TSC22D1: variants seen among roughly 807,000 people sequenced by gnomAD.
TSC22D1 encodes TSC22 domain family member 1.
In TSC22D1, 9 loss-of-function variants were observed where a neutral mutation model predicts 74.2. That is an observed-to-expected ratio of 0.12 (90% CI 0.07 to 0.21). The LOEUF is 0.21. TSC22D1 is among the 10% of genes least tolerant of loss of function. TSC22D1 has a pLI of 1.00. For synonymous variants in TSC22D1, 586 were observed against 492.5 expected (o/e 1.19, Z -2.51); for missense variants, 1,427 against 1,304.7 (o/e 1.09, Z -1.44).
chr13:44,545,553 A>G (rs1881766125), intron 1 of TSC22D1, among the ~76,000 whole-genome samples: 1 of 151,462 alleles, frequency 6.6e-6, no homozygotes, highest in South Asian at 2.1e-4. Context: ...TATAATGGCC[A>G]GCAGCACATT....
At chr13:44,449,180 C>T (rs957585697) in intron 1 of TSC22D1, among the ~76,000 whole-genome samples, 9 of 152,138 alleles carry the variant, frequency 5.9e-5, no homozygotes, top group Non-Finnish European at 1.0e-4. Context: ...TGAGGCTGGG[C>T]AGGCTGACAG....
At chr13:44,469,197 T>C (rs776119608) in intron 1 of TSC22D1, among the ~76,000 whole-genome samples, 11 of 152,176 alleles carry the variant, frequency 7.2e-5, no homozygotes, top group Non-Finnish European at 1.5e-4. Context: ...CCAATCTTTA[T>C]AACCAGGCAT....
intron 1 of TSC22D1, among the ~76,000 whole-genome samples, chr13:44,550,585 G>T (rs1300100557): frequency 7.2e-6 from 1 of 138,450 alleles, no homozygotes; most frequent in Non-Finnish European, 1.5e-5. Context: ...TCTGTCTCGG[G>T]GAAAAAAAAA....
Position 44,500,532 on chromosome 13 carries a change from C to A in TSC22D1, c.2913-64437G>T, listed in dbSNP as rs535222246. Among the ~76,000 whole-genome samples, 3 of 152,304 alleles carry A rather than the reference C, an allele frequency of 2.0e-5. No individual in the cohort carries two copies. The East Asian group carries it at 5.8e-4, about 29-fold the overall frequency. ...TCACTCTAAATAAATAATGTCACTG[C>A]CTAAATTTCAGAGATGAAAGAACCA... On this transcript the variant is annotated intron_variant, in intron 1 of 2. Coordinates refer to ENST00000458659, the MANE Select transcript of TSC22D1 (RefSeq NM_183422.4).
chr13:44,451,214 C>G lies in TSC22D1; in HGVS notation c.2913-15119G>C, dbSNP rs1566118375. On this transcript the variant is annotated intron_variant, in intron 1 of 2. Coordinates refer to ENST00000458659, the MANE Select transcript of TSC22D1 (RefSeq NM_183422.4). ...ATGAGCCAATGGACAGTCCGTTAGA[C>G]AGAAACAGACAGACGGCAGCTGCAA... 2.6e-5 allele frequency among the ~76,000 whole-genome samples: 4 copies of G among 152,210 alleles called. No individual in the cohort carries two copies. The South Asian group carries it at 8.3e-4, about 32-fold the overall frequency.
upstream of TSC22D1, chr13:44,576,430 CCCA>C (rs1466469831): frequency 9.8e-6 from 2 of 204,186 alleles, no homozygotes; most frequent in African/African-American, 4.6e-5. Context: ...GCGAGAAATG[CCCA>C]CCTTCTCCGG....
intron 1 of TSC22D1, 133 bp from the exon 2 acceptor site, chr13:44,436,228 C>T (rs1223798966): frequency 2.9e-5 from 32 of 1,100,934 alleles, no homozygotes; most frequent in Non-Finnish European, 3.9e-5. Context: ...TGTAATGTAT[C>T]ACCCTCCAGA....
chr13:44,436,350 C>T, intron 1 of TSC22D1: 1 of 1,144,940 alleles, frequency 8.7e-7, no homozygotes, highest in South Asian at 1.5e-5. Flanking sequence ...GCCAGACTTG[C>T]AAAAATAAGG....
chr13:44,477,025 G>C (rs1163006441), intron 1 of TSC22D1, among the ~76,000 whole-genome samples: 4 of 152,104 alleles, frequency 2.6e-5, no homozygotes. Context: ...TGTCGCCCAG[G>C]CTGGAGGTCC....
At chr13:44,498,196 GC>G (rs1432823297) in intron 1 of TSC22D1, among the ~76,000 whole-genome samples, 1 of 152,086 alleles carries the variant, frequency 6.6e-6, no homozygotes, top group Non-Finnish European at 1.5e-5. Context: ...TACTCTGGAG[GC>G]TGAGGTGGGA....
chr13:44,512,521 A>G (rs1879781027), intron 1 of TSC22D1, among the ~76,000 whole-genome samples: 1 of 152,018 alleles, frequency 6.6e-6, no homozygotes, highest in Non-Finnish European at 1.5e-5. Context: ...TTCCTCTGTA[A>G]ACCTGTTTCT....
chr13:44,452,899 T>G (rs1031490978), intron 1 of TSC22D1: 2 of 152,356 alleles, frequency 1.3e-5, no homozygotes, highest in Non-Finnish European at 2.9e-5. Context: ...TTTCCATCTT[T>G]TTACAAGATG....
At chr13:44,491,825 G>C (rs1030946343) in intron 1 of TSC22D1, among the ~76,000 whole-genome samples, 1 of 152,186 alleles carries the variant, frequency 6.6e-6, no homozygotes, top group East Asian at 1.9e-4. Flanking sequence ...GGTTTTTTAT[G>C]TATTGATGGT....
intron 1 of TSC22D1, among the ~76,000 whole-genome samples, chr13:44,528,476 T>A (rs1353788939): frequency 1.3e-5 from 2 of 152,100 alleles, no homozygotes. Context: ...TCAATTTTTT[T>A]AATTGTTTCA....
intron 1 of TSC22D1, among the ~76,000 whole-genome samples, chr13:44,513,258 C>T (rs1879823823): frequency 6.6e-6 from 1 of 152,166 alleles, no homozygotes; most frequent in Admixed American, 6.5e-5. Context: ...TCTCTGATAC[C>T]ATTTTGCTTT....
chr13:44,574,021 G>A lies in TSC22D1; in HGVS notation c.2054C>T (p.Pro685Leu). The A allele has an allele frequency of 1.2e-6, 2 of 1,614,080 alleles. No homozygotes were observed. Among genetic ancestry groups the A allele is most frequent in the Non-Finnish European group, 1.7e-6 (2 of 1,180,038 alleles). The change falls in exon 1 of 3, where the codon CCT becomes CTT. Residue 685 changes from proline (P) to leucine (L), a missense_variant. By Grantham distance (98) the Pro-to-Leu change is moderately conservative. Coordinates refer to ENST00000458659, the MANE Select transcript of TSC22D1 (RefSeq NM_183422.4). ...AGVGAGTTVI[P>L]VAQPQGIQLP... Reference sequence around the variant, plus strand: ...CTGGATACCCTGTGGCTGAGCCACAGGAATCACTGTTGTTCCTGCTCCTAC... The same window carrying A: ...CTGGATACCCTGTGGCTGAGCCACAAGAATCACTGTTGTTCCTGCTCCTAC...
intron 1 of TSC22D1, among the ~76,000 whole-genome samples, chr13:44,477,638 A>ATTTTT (rs35355914): frequency 8.0e-6 from 1 of 125,388 alleles, no homozygotes; most frequent in Non-Finnish European, 1.6e-5. Context: ...GTGCTCATAG[A>ATTTTT]TTTTTTTTTT....
At chr13:44,521,211 G>A (rs1379086152) in intron 1 of TSC22D1, among the ~76,000 whole-genome samples, 1 of 152,244 alleles carries the variant, frequency 6.6e-6, no homozygotes, top group South Asian at 2.1e-4. Context: ...CTTCTAGGAC[G>A]CTAACCCCCC....
intron 1 of TSC22D1, among the ~76,000 whole-genome samples, chr13:44,511,619 T>TACACAC (rs66743224): frequency 0.014 from 2,082 of 148,146 alleles, 20 homozygotes; most frequent in African/African-American, 0.032. Context: ...TAAAAAGAAA[T>TACACAC]ACACACACAC....
Sources: gnomAD v4.1 joint callset for allele counts (sites outside exome capture counted in the v4.1 genomes callset) on GRCh38, gnomAD v4.1.1 for gene constraint, MANE v1.5 for transcripts, NCBI Gene and HGNC (gene_info 2026-07-23, HGNC 2026-07-21) for gene names.